STARD13: variants seen among roughly 807,000 people sequenced by gnomAD.
STARD13 encodes stAR-related lipid transfer protein 13.
STARD13 carries 62 observed loss-of-function variants against 106.4 expected under a neutral mutation model. That is an observed-to-expected ratio of 0.58 (90% CI 0.48 to 0.72). The LOEUF (loss-of-function observed/expected upper bound fraction) is 0.72. STARD13 is among the 30% of genes least tolerant of loss of function. The pLI is 0.00. For synonymous variants in STARD13, 565 were observed against 553.0 expected (o/e 1.02, Z -0.31); for missense variants, 1,387 against 1,424.0 (o/e 0.97, Z 0.42).
chr13:33,224,227 AG>A (rs1888502588), intron 1 of STARD13, among the ~76,000 whole-genome samples: 1 of 152,240 alleles, frequency 6.6e-6, no homozygotes, highest in South Asian at 2.1e-4. Context: ...AGGTAGCCAT[AG>A]GATGGAGATA....
At chr13:33,526,995 AGAG>A in the STARD13 span, among the ~76,000 whole-genome samples, 273 of 152,274 alleles carry the variant, frequency 1.8e-3, no homozygotes, top group African/African-American at 6.3e-3. Context: ...GGTCAAAAGA[AGAG>A]AACTGTTTTG....
chr13:33,553,640 C>T, the STARD13 span, among the ~76,000 whole-genome samples: 4 of 146,790 alleles, frequency 2.7e-5, no homozygotes, highest in Admixed American at 1.4e-4. Flanking sequence ...AGTGTAGTGG[C>T]GCTATCTTGG....
chr13:33,409,544 CT>C, the STARD13 span, among the ~76,000 whole-genome samples: 1 of 152,290 alleles, frequency 6.6e-6, no homozygotes, highest in African/African-American at 2.4e-5. Context: ...AACGTTCTTG[CT>C]TGGTGAAAAT....
At chr13:33,606,926 T>C in the STARD13 span, among the ~76,000 whole-genome samples, 1 of 152,204 alleles carries the variant, frequency 6.6e-6, no homozygotes, top group African/African-American at 2.4e-5. Flanking sequence ...CCAGGCACTT[T>C]AGGACCCTTT....
At chr13:33,590,412 C>T in the STARD13 span, among the ~76,000 whole-genome samples, 19 of 151,932 alleles carry the variant, frequency 1.3e-4, no homozygotes, top group South Asian at 2.9e-3. Flanking sequence ...ATGTTTATTG[C>T]GGCACTAGTC....
At chr13:33,338,928 G>A (rs1335289195) in intron 1 of STARD13, among the ~76,000 whole-genome samples, 1 of 150,680 alleles carries the variant, frequency 6.6e-6, no homozygotes, top group African/African-American at 2.4e-5. Context: ...CAGGAACAAA[G>A]CATATGAATC....
At chr13:33,221,640 G>T (rs955475229) in intron 1 of STARD13, among the ~76,000 whole-genome samples, 1 of 152,118 alleles carries the variant, frequency 6.6e-6, no homozygotes, top group Non-Finnish European at 1.5e-5. Context: ...TGCAGGACTG[G>T]CTATAAGACT....
At chr13:33,668,704 T>A in the STARD13 span, among the ~76,000 whole-genome samples, 1 of 152,212 alleles carries the variant, frequency 6.6e-6, no homozygotes, top group African/African-American at 2.4e-5. Context: ...ACCTTCCTTC[T>A]GAAGGCCCTA....
intron 1 of STARD13, among the ~76,000 whole-genome samples, chr13:33,331,176 C>A (rs1421343316): frequency 6.6e-6 from 1 of 152,086 alleles, no homozygotes; most frequent in Non-Finnish European, 1.5e-5. Context: ...CACTTCAGGT[C>A]CCAGCAACAT....
chr13:33,632,807 C>G, the STARD13 span, among the ~76,000 whole-genome samples: 3 of 149,236 alleles, frequency 2.0e-5, no homozygotes, highest in Non-Finnish European at 4.4e-5. Context: ...CCATGATGTT[C>G]TATATTCTTT....
At chr13:33,496,887 A>T in the STARD13 span, among the ~76,000 whole-genome samples, 2 of 152,096 alleles carry the variant, frequency 1.3e-5, no homozygotes, top group Non-Finnish European at 2.9e-5. Flanking sequence ...TTTCTGGATA[A>T]ATTTTGGCTA....
intron 1 of STARD13, among the ~76,000 whole-genome samples, chr13:33,253,374 CA>C (rs1254337693): frequency 2.0e-5 from 3 of 152,202 alleles, no homozygotes; most frequent in Admixed American, 6.5e-5. Flanking sequence ...TACATTAAGC[CA>C]ATGGACAGCG....
chr13:33,581,453 A>G, the STARD13 span, among the ~76,000 whole-genome samples: 1 of 152,192 alleles, frequency 6.6e-6, no homozygotes, highest in African/African-American at 2.4e-5. Context: ...ATTACATTCT[A>G]TATAAAAATA....
the STARD13 span, among the ~76,000 whole-genome samples, chr13:33,450,459 T>A: frequency 6.6e-6 from 1 of 152,220 alleles, no homozygotes; most frequent in Non-Finnish European, 1.5e-5. Context: ...TGCTGCTGAA[T>A]TTGGCTCACT....
At chr13:33,352,570 G>T (rs562035675), upstream of STARD13, among the ~76,000 whole-genome samples, 2 of 152,308 alleles carry the variant, frequency 1.3e-5, no homozygotes, top group Admixed American at 6.5e-5. Context: ...CTAAATTCTG[G>T]AATTGCACAT....
At chr13:33,502,680 A>C in the STARD13 span, among the ~76,000 whole-genome samples, 2 of 152,098 alleles carry the variant, frequency 1.3e-5, no homozygotes, top group African/African-American at 4.8e-5. Context: ...TATATGATGG[A>C]TTACGTTTAT....
chr13:33,516,100 T>C, the STARD13 span, among the ~76,000 whole-genome samples: 1 of 149,816 alleles, frequency 6.7e-6, no homozygotes, highest in African/African-American at 2.4e-5. Flanking sequence ...CACACACATA[T>C]ATGTTAACTT....
the STARD13 span, among the ~76,000 whole-genome samples, chr13:33,418,127 G>A: frequency 2.0e-5 from 3 of 152,212 alleles, no homozygotes; most frequent in Admixed American, 2.0e-4. Context: ...GCCAAAGCAG[G>A]GCAGGGCATC....
the STARD13 span, chr13:33,359,415 T>G: frequency 1.2e-5 from 2 of 172,308 alleles, no homozygotes; most frequent in African/African-American, 4.9e-5. Context: ...CATCTGAACA[T>G]CAGAAGGGAC....
Sources: gnomAD v4.1 joint callset for allele counts (sites outside exome capture counted in the v4.1 genomes callset) on GRCh38, gnomAD v4.1.1 for gene constraint, MANE v1.5 for transcripts, NCBI Gene and HGNC (gene_info 2026-07-23, HGNC 2026-07-21) for gene names.